The following NEGR1 variants were observed in gnomAD, a reference collection of about 807,000 sequenced individuals.
NEGR1 encodes neuronal growth regulator 1.
Under a neutral mutation model 40.9 loss-of-function variants are expected in NEGR1, and 10 were observed. That is an observed-to-expected ratio of 0.24 (90% CI 0.15 to 0.42). NEGR1 has a LOEUF of 0.42. Among genes scored for constraint, NEGR1 ranks in the 10% least tolerant of loss-of-function variants. The pLI is 1.00. For synonymous variants in NEGR1, 185 were observed against 166.8 expected (o/e 1.11, Z -0.84); for missense variants, 352 against 438.9 (o/e 0.80, Z 1.77).
At chr1:71,813,251 G>A (rs1162789963) in intron 2 of NEGR1, among the ~76,000 whole-genome samples, 3 of 152,046 alleles carry the variant, frequency 2.0e-5, no homozygotes, top group Non-Finnish European at 2.9e-5. Context: ...TAGATGTGCA[G>A]TCTTCTTTCT....
intron 4 of NEGR1, among the ~76,000 whole-genome samples, chr1:71,683,801 T>G (rs2101613277): frequency 6.7e-6 from 1 of 148,534 alleles, no homozygotes; most frequent in East Asian, 2.0e-4. Flanking sequence ...TTTTCAGGGG[T>G]TTGGGATCTT....
At chr1:71,734,678 C>A (rs1654991437) in intron 3 of NEGR1, among the ~76,000 whole-genome samples, 1 of 152,086 alleles carries the variant, frequency 6.6e-6, no homozygotes, top group South Asian at 2.1e-4. Context: ...AGACTAGTCT[C>A]CCTCATTCCT....
intron 6 of NEGR1, among the ~76,000 whole-genome samples, chr1:71,591,978 C>A (rs766101376): frequency 6.6e-6 from 1 of 152,014 alleles, no homozygotes; most frequent in African/African-American, 2.4e-5. Flanking sequence ...TGTCAAGTTA[C>A]CATAAAATAT....
intron 4 of NEGR1, among the ~76,000 whole-genome samples, chr1:71,652,380 T>C (rs190648774): frequency 6.6e-6 from 1 of 152,264 alleles, no homozygotes; most frequent in African/African-American, 2.4e-5. Flanking sequence ...CAGTCTTTTT[T>C]CTCATTTTTT....
chr1:71,967,956 A>G (rs895823502), intron 1 of NEGR1, among the ~76,000 whole-genome samples: 3 of 152,214 alleles, frequency 2.0e-5, no homozygotes, highest in African/African-American at 7.2e-5. Flanking sequence ...ATTTTATAGT[A>G]ATGTGTGATG....
chr1:71,442,859 T>G (rs1188317157), intron 6 of NEGR1, among the ~76,000 whole-genome samples: 1 of 152,132 alleles, frequency 6.6e-6, no homozygotes, highest in Non-Finnish European at 1.5e-5. Flanking sequence ...TGAAGGTTAT[T>G]GAGACAATCA....
At chr1:71,547,009 T>C (rs1209972063) in intron 6 of NEGR1, among the ~76,000 whole-genome samples, 1 of 151,714 alleles carries the variant, frequency 6.6e-6, no homozygotes, top group Non-Finnish European at 1.5e-5. Flanking sequence ...GGCAAGTTGG[T>C]TTGATACTCT....
chr1:71,795,882 T>C (rs1400440326), intron 2 of NEGR1, among the ~76,000 whole-genome samples: 3 of 152,162 alleles, frequency 2.0e-5, no homozygotes, highest in Non-Finnish European at 2.9e-5. Context: ...AGTGTTTTGT[T>C]TAAAATATAC....
chr1:71,743,176 G>T (rs1486093082), intron 3 of NEGR1, among the ~76,000 whole-genome samples: 1 of 152,158 alleles, frequency 6.6e-6, no homozygotes, highest in Non-Finnish European at 1.5e-5. Flanking sequence ...CCAGTCTATG[G>T]CATTTGTAAA....
intron 3 of NEGR1, among the ~76,000 whole-genome samples, chr1:71,706,865 G>C (rs1653919159): frequency 6.6e-6 from 1 of 151,990 alleles, no homozygotes; most frequent in African/African-American, 2.4e-5. Flanking sequence ...ACTACATTGA[G>C]GGTCTTGGTG....
intron 1 of NEGR1, among the ~76,000 whole-genome samples, chr1:72,030,771 C>T (rs976625075): frequency 6.6e-6 from 1 of 151,802 alleles, no homozygotes; most frequent in African/African-American, 2.4e-5. Flanking sequence ...GGATTAATGC[C>T]GGATACCCTT....
chr1:72,275,705 T>C (rs982375903), intron 1 of NEGR1, among the ~76,000 whole-genome samples: 2 of 152,134 alleles, frequency 1.3e-5, no homozygotes, highest in Non-Finnish European at 2.9e-5. Flanking sequence ...ATAGTAGGAC[T>C]CAATGACAAT....
intron 1 of NEGR1, among the ~76,000 whole-genome samples, chr1:72,020,965 A>G (rs998796586): frequency 6.6e-6 from 1 of 152,188 alleles, no homozygotes; most frequent in African/African-American, 2.4e-5. Context: ...GATTAACTCA[A>G]TGGTCATAAT....
chr1:72,021,768 T>C (rs1320152621), intron 1 of NEGR1, among the ~76,000 whole-genome samples: 2 of 152,188 alleles, frequency 1.3e-5, no homozygotes, highest in Non-Finnish European at 1.5e-5. Context: ...AAAAACAACA[T>C]GTCTGGTTTT....
At position 71,837,288 on chromosome 1, in the gene NEGR1, G is replaced by A. The variant is rs114142927; in HGVS notation, c.410-60991C>T. Reference sequence around the variant, plus strand: ...TAGGCATGTTACTTATATCATCCTCGTTCCTAACAACTCTCTGACAAAGTA... The same window carrying A: ...TAGGCATGTTACTTATATCATCCTCATTCCTAACAACTCTCTGACAAAGTA... On this transcript the variant is annotated intron_variant, in intron 2 of 6. Coordinates refer to ENST00000357731, the MANE Select transcript of NEGR1 (RefSeq NM_173808.3). 3.1e-3 allele frequency among the ~76,000 whole-genome samples: 476 copies of A among 152,030 alleles called. 2 individuals are homozygous for A. The highest frequency in any genetic ancestry group is 8.1e-3 in the African/African-American group (335 of 41,502).
chr1:72,218,462 C>T (rs925472703), intron 1 of NEGR1, among the ~76,000 whole-genome samples: 2 of 151,784 alleles, frequency 1.3e-5, no homozygotes, highest in African/African-American at 4.8e-5. Context: ...ATATGTTGAC[C>T]ATCAAATGTT....
intron 3 of NEGR1, among the ~76,000 whole-genome samples, chr1:71,750,756 C>A (rs1260070116): frequency 6.6e-6 from 1 of 152,126 alleles, no homozygotes; most frequent in Non-Finnish European, 1.5e-5. Context: ...GCCAAACCAT[C>A]TTATTGTGTA....
chr1:72,160,326 C>A (rs1651505705), intron 1 of NEGR1, among the ~76,000 whole-genome samples: 1 of 151,960 alleles, frequency 6.6e-6, no homozygotes. Context: ...CCTAAAGTGC[C>A]CAGGTGGGAA....
At chr1:71,687,259 C>T (rs1653070509) in intron 4 of NEGR1, among the ~76,000 whole-genome samples, 1 of 152,136 alleles carries the variant, frequency 6.6e-6, no homozygotes, top group African/African-American at 2.4e-5. Context: ...TATCGGTAGA[C>T]TGAATATATA....
Sources: allele counts gnomAD v4.1 joint callset (sites outside exome capture counted in the v4.1 genomes callset), GRCh38; gene constraint gnomAD v4.1.1; transcripts MANE v1.5; gene names NCBI Gene and HGNC (gene_info 2026-07-23, HGNC 2026-07-21).